XIRP2: variants seen among roughly 807,000 people sequenced by gnomAD.
XIRP2 encodes xin actin binding repeat containing 2.
In XIRP2, 236 loss-of-function variants were observed where a neutral mutation model predicts 277.0. The observed-to-expected ratio is 0.85, with a 90% CI of 0.77 to 0.95. The LOEUF is 0.95. Ranked by LOEUF, XIRP2 falls within the 40% of genes least tolerant of loss-of-function variation. The pLI is 0.00. For synonymous variants in XIRP2, 1,490 were observed against 1,416.5 expected, an observed-to-expected ratio of 1.05 and a Z score of -1.17; for missense variants, 4,640 against 4,157.5, an observed-to-expected ratio of 1.12 and a Z score of -3.19.
At chr2:167,156,458 A>G (rs1235187242) in intron 3 of XIRP2, among the ~76,000 whole-genome samples, 1 of 152,082 alleles carries the variant, frequency 6.6e-6, no homozygotes, top group Non-Finnish European at 1.5e-5. Context: ...AGCTAGGGAA[A>G]GTGCATTCTT....
intron 2 of XIRP2, among the ~76,000 whole-genome samples, chr2:167,097,600 T>G (rs1315145536): frequency 6.6e-6 from 1 of 152,348 alleles, no homozygotes; most frequent in East Asian, 1.9e-4. Flanking sequence ...GTCATTATGA[T>G]GCTAGCTGGT....
At chr2:167,211,328 C>T (rs551971135) in intron 4 of XIRP2, among the ~76,000 whole-genome samples, 8 of 152,050 alleles carry the variant, frequency 5.3e-5, no homozygotes, top group Non-Finnish European at 2.9e-5. Context: ...ATCTCTTGAC[C>T]TCGTGATCCG....
At position 167,133,843 on chromosome 2, in the gene XIRP2, G is replaced by A. The variant is rs552579272; in HGVS notation, c.409-2066G>A. On this transcript the variant is annotated intron_variant, in intron 2 of 10. Transcript: ENST00000409195. ...GAACTGAGATAAGGATGTTATACTC[G>A]TGCCACATGTAATGGCATGTCTGAC... Among the ~76,000 whole-genome samples, 7 of 152,214 alleles carry A rather than the reference G, an allele frequency of 4.6e-5. No homozygotes were observed. The South Asian group carries it at 6.2e-4, about 14-fold the overall frequency.
At chr2:166,971,124 T>C (rs932851381) in intron 2 of XIRP2, among the ~76,000 whole-genome samples, 2 of 151,992 alleles carry the variant, frequency 1.3e-5, no homozygotes, top group Non-Finnish European at 2.9e-5. Flanking sequence ...CTCTTAAGAG[T>C]AAAACTCATC....
intron 2 of XIRP2, among the ~76,000 whole-genome samples, chr2:167,023,667 T>A (rs1688054057): frequency 6.6e-6 from 1 of 152,248 alleles, no homozygotes; most frequent in East Asian, 1.9e-4. Flanking sequence ...TTCAGCTTTC[T>A]ACTTATGGCC....
intron 5 of XIRP2, among the ~76,000 whole-genome samples, chr2:167,221,487 G>GA (rs1694429409): frequency 6.9e-6 from 1 of 144,034 alleles, no homozygotes; most frequent in African/African-American, 2.6e-5. Flanking sequence ...AAAAAAAAAG[G>GA]AAAAAGTCAT....
chr2:167,242,794 G>A lies in XIRP2; in HGVS notation c.1402G>A (p.Ala468Thr). 8 of 1,614,022 alleles carry A rather than the reference G, an allele frequency of 5.0e-6. No homozygotes were observed. Among genetic ancestry groups the A allele is most frequent in the Non-Finnish European group, 6.8e-6 (8 of 1,179,934 alleles). ...DVLQTSVDVT[A>T]FSQSPELPSP... ...ACTTCAAACTTCAGTAGATGTGACAGCATTTTCCCAGTCCCCTGAACTGCC... is the reference window on the plus strand; with the variant it reads ...ACTTCAAACTTCAGTAGATGTGACAACATTTTCCCAGTCCCCTGAACTGCC... Residue 468 changes from alanine to threonine, a missense_variant, in exon 9 of 11, where the codon GCA becomes ACA. Ala to Thr is a moderately conservative substitution (Grantham distance 58). Transcript: ENST00000409195.
At chr2:166,940,751 C>G (rs561166992) in intron 2 of XIRP2, among the ~76,000 whole-genome samples, 2 of 152,176 alleles carry the variant, frequency 1.3e-5, no homozygotes, top group Non-Finnish European at 2.9e-5. Flanking sequence ...GTGGAGGCTG[C>G]AGAACAGTGA....
chr2:167,109,912 C>T (rs1690708621), intron 2 of XIRP2, among the ~76,000 whole-genome samples: 1 of 152,096 alleles, frequency 6.6e-6, no homozygotes, highest in South Asian at 2.1e-4. Flanking sequence ...ATTTGCATGT[C>T]TCTAATGATT....
At chr2:166,969,436 ATAAC>A (rs1419954627) in intron 2 of XIRP2, among the ~76,000 whole-genome samples, 2 of 152,012 alleles carry the variant, frequency 1.3e-5, no homozygotes, top group African/African-American at 2.4e-5. Flanking sequence ...AATTTGATAA[ATAAC>A]TACTTATTAA....
At chr2:167,049,965 G>T (rs1688876894) in intron 2 of XIRP2, among the ~76,000 whole-genome samples, 1 of 151,922 alleles carries the variant, frequency 6.6e-6, no homozygotes, top group African/African-American at 2.4e-5. Flanking sequence ...ATTCCCTCAG[G>T]CTTTGATTTG....
chr2:167,217,430 G>A (rs1694288406), intron 4 of XIRP2, among the ~76,000 whole-genome samples: 1 of 152,064 alleles, frequency 6.6e-6, no homozygotes, highest in Non-Finnish European at 1.5e-5. Flanking sequence ...GAGTAGTGTA[G>A]CTGCTGGTTT....
rs565283206 is a variant in XIRP2 at position 167,077,144 on chromosome 2, C to T, written c.409-58765C>T. Among the ~76,000 whole-genome samples the T allele has an allele frequency of 1.9e-3, 294 of 152,168 alleles. 1 individual carries two copies. Among genetic ancestry groups the T allele is most frequent in the African/African-American group, 6.7e-3 (278 of 41,522 alleles). ...CTGGGATTACAGGCGTGAGCCACCA[C>T]GCCTGGCAATGTATTTATTTTCATT... On this transcript the variant is annotated intron_variant, in intron 2 of 10. Coordinates refer to ENST00000409195, the MANE Select transcript of XIRP2 (RefSeq NM_152381.6).
At chr2:167,007,901 GTTA>G (rs1278149431) in intron 2 of XIRP2, among the ~76,000 whole-genome samples, 4 of 151,432 alleles carry the variant, frequency 2.6e-5, no homozygotes, top group Admixed American at 6.6e-5. Context: ...AAATAATTAG[GTTA>G]TTATTTGGAT....
chr2:166,892,826 T>TATA (rs1553467796), intron 1 of XIRP2, among the ~76,000 whole-genome samples: 1 of 148,650 alleles, frequency 6.7e-6, no homozygotes, highest in Admixed American at 6.8e-5. Flanking sequence ...TATATATATA[T>TATA]AACTTCTATG....
rs778378205 is a variant in XIRP2, at chr2:167,251,333, C to T, written c.9941C>T (p.Ala3314Val). 11 of 1,613,418 alleles carry T rather than the reference C, an allele frequency of 6.8e-6. No homozygotes were observed. The highest frequency in any genetic ancestry group is 1.3e-5 in the African/African-American group (1 of 74,844). ...RLSEHTQRYE[A>V]ANRTVQMAEN... The stretch of plus-strand genomic sequence containing the variant: ...TCAGAGCACACACAGAGATATGAAG[C>T]GGCCAACCGAACTGTTCAAATGGCT... The change falls in exon 9 of 11, where the codon GCG (alanine) becomes GTG (valine). Residue 3314 changes from alanine to valine, a missense_variant. Ala to Val is a moderately conservative substitution (Grantham distance 64). Transcript: ENST00000409195.
intron 2 of XIRP2, among the ~76,000 whole-genome samples, chr2:167,083,282 T>C (rs1032777385): frequency 1.3e-5 from 2 of 152,220 alleles, no homozygotes; most frequent in African/African-American, 4.8e-5. Flanking sequence ...CTGAGGGCTC[T>C]GTTCTGTTCC....
chr2:167,107,170 T>C (rs976276346), intron 2 of XIRP2, among the ~76,000 whole-genome samples: 1 of 151,760 alleles, frequency 6.6e-6, no homozygotes, highest in South Asian at 2.1e-4. Flanking sequence ...CTTTTCAATA[T>C]TTATGTTTTT....
intron 2 of XIRP2, among the ~76,000 whole-genome samples, chr2:167,117,985 T>C (rs1690941836): frequency 6.6e-6 from 1 of 152,210 alleles, no homozygotes; most frequent in South Asian, 2.1e-4. Context: ...AAACCACACT[T>C]GACATTCTAT....
Sources: allele counts gnomAD v4.1 joint callset (sites outside exome capture counted in the v4.1 genomes callset), GRCh38; gene constraint gnomAD v4.1.1; transcripts MANE v1.5; gene names NCBI Gene and HGNC (gene_info 2026-07-23, HGNC 2026-07-21).